The following KCNIP4 variants were observed in gnomAD, a reference collection of about 807,000 sequenced individuals.
KCNIP4 encodes the protein Kv channel-interacting protein 4.
In KCNIP4, 12 loss-of-function variants were observed where a neutral mutation model predicts 34.0. The ratio of observed to expected loss-of-function variants is 0.35; its 90% CI spans 0.23 to 0.57. The LOEUF (loss-of-function observed/expected upper bound fraction) is 0.57. Among genes scored for constraint, KCNIP4 ranks in the 20% least tolerant of loss-of-function variants. The pLI is 0.83. For synonymous variants in KCNIP4, 124 were observed against 102.2 expected (o/e 1.21, Z -1.29); for missense variants, 238 against 311.7 (o/e 0.76, Z 1.78).
intron 1 of KCNIP4, among the ~76,000 whole-genome samples, chr4:21,900,663 T>A (rs1727654945): frequency 6.6e-6 from 1 of 152,192 alleles, no homozygotes; most frequent in Admixed American, 6.6e-5. Flanking sequence ...TTTGTAAAAA[T>A]TTGCATCTTA....
chr4:21,236,488 C>T (rs1348636694), intron 1 of KCNIP4, among the ~76,000 whole-genome samples: 1 of 152,038 alleles, frequency 6.6e-6, no homozygotes, highest in African/African-American at 2.4e-5. Context: ...CTGATTTTTC[C>T]CCCATTCAAA....
chr4:21,586,638 C>T (rs12511805), intron 1 of KCNIP4, among the ~76,000 whole-genome samples: 2,799 of 152,112 alleles, frequency 0.018, 127 homozygotes, highest in East Asian at 0.17. Flanking sequence ...AGACTCTTGA[C>T]AAAGAACAAG....
intron 3 of KCNIP4, among the ~76,000 whole-genome samples, chr4:20,804,099 G>T (rs1714765614): frequency 6.6e-6 from 1 of 152,162 alleles, no homozygotes; most frequent in Non-Finnish European, 1.5e-5. Context: ...GATACTAACG[G>T]TGACTAATAT....
At chr4:21,535,167 T>C (rs1393987423) in intron 1 of KCNIP4, among the ~76,000 whole-genome samples, 1 of 152,128 alleles carries the variant, frequency 6.6e-6, no homozygotes, top group African/African-American at 2.4e-5. Context: ...AGGCTTAAAT[T>C]AGGCTTAAAT....
chr4:21,741,990 T>C (rs1409967711), intron 1 of KCNIP4, among the ~76,000 whole-genome samples: 1 of 151,964 alleles, frequency 6.6e-6, no homozygotes, highest in Non-Finnish European at 1.5e-5. Context: ...TGAGCTGAAA[T>C]TGCACCACTG....
intron 1 of KCNIP4, among the ~76,000 whole-genome samples, chr4:21,326,459 T>C (rs1348836148): frequency 7.6e-6 from 1 of 132,162 alleles, no homozygotes; most frequent in Non-Finnish European, 1.6e-5. Flanking sequence ...AACATCTTTT[T>C]TCGTACCTTT....
intron 1 of KCNIP4, among the ~76,000 whole-genome samples, chr4:20,954,809 C>G (rs751230772): frequency 1.1e-4 from 17 of 152,158 alleles, no homozygotes; most frequent in Non-Finnish European, 2.5e-4. Flanking sequence ...TATTTGTCAT[C>G]CCTGCCTTAT....
chr4:20,912,177 A>T lies in KCNIP4; in HGVS notation c.62-29468T>A, dbSNP rs183101748. 1.3e-4 allele frequency among the ~76,000 whole-genome samples: 20 copies of T among 152,280 alleles called. No homozygotes were observed. The East Asian group carries it at 3.9e-3, about 29-fold the overall frequency. Reference sequence around the variant, plus strand: ...AGAATTACTCCTCTGCTTATCCTTCAGGTTAAGTTCTATTAACAGATATGT... The same window carrying T: ...AGAATTACTCCTCTGCTTATCCTTCTGGTTAAGTTCTATTAACAGATATGT... On this transcript the variant is annotated intron_variant, in intron 1 of 8. Transcript: ENST00000382152.
At chr4:21,558,461 C>G (rs1453963898) in intron 1 of KCNIP4, among the ~76,000 whole-genome samples, 1 of 150,986 alleles carries the variant, frequency 6.6e-6, no homozygotes, top group Non-Finnish European at 1.5e-5. Flanking sequence ...CACTACACTT[C>G]AGCCTGGGCG....
At position 21,869,834 on chromosome 4, in the gene KCNIP4, TACACACATACA is replaced by T. The variant is rs561128403; in HGVS notation, c.61+78726_61+78736del. 4.5e-3 allele frequency among the ~76,000 whole-genome samples: 682 copies of T among 152,152 alleles called. 4 individuals are homozygous for T. Among genetic ancestry groups the T allele is most frequent in the African/African-American group, 0.015 (640 of 41,470 alleles). On this transcript the variant is annotated intron_variant, in intron 1 of 8. Transcript: ENST00000382152. ...TAGATCTATAGATAGGTATATCGCA[TACACACATACA>T]ACACACATACAACACACATACAAGC...
intron 1 of KCNIP4, among the ~76,000 whole-genome samples, chr4:21,590,041 C>T (rs1298325832): frequency 6.6e-6 from 1 of 151,864 alleles, no homozygotes; most frequent in Non-Finnish European, 1.5e-5. Flanking sequence ...GAAAAGATTA[C>T]TATTAGCATT....
chr4:21,092,909 G>T (rs1444076902), intron 1 of KCNIP4, among the ~76,000 whole-genome samples: 1 of 152,196 alleles, frequency 6.6e-6, no homozygotes, highest in Non-Finnish European at 1.5e-5. Flanking sequence ...GAAAGCACCA[G>T]TTAAGAACAC....
intron 1 of KCNIP4, among the ~76,000 whole-genome samples, chr4:21,771,240 C>T (rs912069917): frequency 6.6e-6 from 1 of 152,072 alleles, no homozygotes; most frequent in African/African-American, 2.4e-5. Context: ...TGTTGAAGAT[C>T]AAATGGTTGT....
intron 1 of KCNIP4, among the ~76,000 whole-genome samples, chr4:21,793,555 G>C (rs1577997420): frequency 6.6e-6 from 1 of 152,152 alleles, no homozygotes; most frequent in South Asian, 2.1e-4. Flanking sequence ...ACCATGACCG[G>C]CCTGACAAGT....
chr4:21,807,785 T>C (rs1246340511), intron 1 of KCNIP4, among the ~76,000 whole-genome samples: 1 of 152,158 alleles, frequency 6.6e-6, no homozygotes, highest in African/African-American at 2.4e-5. Flanking sequence ...ACTAATTGCA[T>C]CCATGAGTTA....
At chr4:20,906,852 C>T (rs938945593) in intron 1 of KCNIP4, among the ~76,000 whole-genome samples, 7 of 152,226 alleles carry the variant, frequency 4.6e-5, no homozygotes, top group African/African-American at 1.7e-4. Flanking sequence ...TGTTTCTGAA[C>T]TGAGTATCTG....
chr4:21,670,924 G>A (rs1168016090), intron 1 of KCNIP4, among the ~76,000 whole-genome samples: 4 of 151,754 alleles, frequency 2.6e-5, no homozygotes, highest in Non-Finnish European at 4.4e-5. Context: ...CCAAAGTGCT[G>A]GGATTACAGG....
At chr4:20,964,921 TTAAACAAATACTGGC>T (rs1734198229) in intron 1 of KCNIP4, among the ~76,000 whole-genome samples, 1 of 152,154 alleles carries the variant, frequency 6.6e-6, no homozygotes, top group Admixed American at 6.6e-5. Context: ...AGGAGGCACA[TTAAACAAATACTGGC>T]TAGTAGTGTA....
intron 1 of KCNIP4, among the ~76,000 whole-genome samples, chr4:21,789,016 T>C (rs1323595956): frequency 7.1e-6 from 1 of 140,108 alleles, no homozygotes; most frequent in Non-Finnish European, 1.5e-5. Context: ...GAGGCTGCAA[T>C]GAGCTGAGAT....
Sources: allele counts gnomAD v4.1 joint callset (sites outside exome capture counted in the v4.1 genomes callset), GRCh38; gene constraint gnomAD v4.1.1; transcripts MANE v1.5; gene names NCBI Gene and HGNC (gene_info 2026-07-23, HGNC 2026-07-21).